The following CFAP61 variants were observed in gnomAD, a reference collection of about 807,000 sequenced individuals.
CFAP61 encodes cilia- and flagella-associated protein 61.
A neutral mutation model predicts 135.6 loss-of-function variants in CFAP61; 107 were observed. That is an observed-to-expected ratio of 0.79 (90% CI 0.67 to 0.93). The LOEUF is 0.93. Among genes scored for constraint, CFAP61 ranks in the 40% least tolerant of loss-of-function variants. The pLI is 0.00. For missense variants in CFAP61, 1,507 were observed against 1,556.2 expected (o/e 0.97, Z 0.53); for synonymous variants, 575 against 578.5 (o/e 0.99, Z 0.09).
At chr20:20,183,561 G>A (rs2055275997) in intron 13 of CFAP61, among the ~76,000 whole-genome samples, 1 of 152,176 alleles carries the variant, frequency 6.6e-6, no homozygotes, top group Non-Finnish European at 1.5e-5. Context: ...GTAGGAATAC[G>A]CTGTGAGCCA....
At chr20:20,103,431 G>C (rs1032733969) in intron 8 of CFAP61, among the ~76,000 whole-genome samples, 2 of 152,074 alleles carry the variant, frequency 1.3e-5, no homozygotes, top group African/African-American at 4.8e-5. Flanking sequence ...TTTTGTCCAA[G>C]CATAAGGAAA....
chr20:20,198,319 C>G (rs555566594), intron 16 of CFAP61, among the ~76,000 whole-genome samples: 40 of 152,256 alleles, frequency 2.6e-4, no homozygotes, highest in African/African-American at 9.4e-4. Context: ...TGTTTTTATT[C>G]ATGAAGTTGC....
At chr20:20,063,645 A>C (rs2044996483) in intron 2 of CFAP61, among the ~76,000 whole-genome samples, 1 of 152,218 alleles carries the variant, frequency 6.6e-6, no homozygotes, top group South Asian at 2.1e-4. Flanking sequence ...AAATATTAAA[A>C]GAATCCCTGT....
At chr20:20,172,219 A>G (rs1054416032) in intron 13 of CFAP61, 50 of 971,346 alleles carry the variant, frequency 5.1e-5, no homozygotes, top group Admixed American at 6.1e-5. Context: ...CAGTAACCTT[A>G]TATGCCTCTG....
At chr20:20,058,450 A>C (rs2044542657) in intron 2 of CFAP61, among the ~76,000 whole-genome samples, 1 of 152,256 alleles carries the variant, frequency 6.6e-6, no homozygotes, top group Non-Finnish European at 1.5e-5. Flanking sequence ...ACATTCTATT[A>C]ATAGCAACTT....
rs558550722 is a variant in CFAP61 at position 20,308,594 on chromosome 20, A to G, written c.3422+10208A>G. Among the ~76,000 whole-genome samples, 69 of 152,222 alleles carry G rather than the reference A, an allele frequency of 4.5e-4. No homozygotes were observed. The Middle Eastern group carries it at 0.024, about 53-fold the overall frequency. ...TTGCCCTATGCTTATACTTGTTTCA[A>G]GCTCAGCTGGCCAACCCCAGGCAGC... On this transcript the variant is annotated intron_variant, in intron 25 of 26. Transcript: ENST00000245957.
chr20:20,256,509 A>C (rs751058554), intron 20 of CFAP61, among the ~76,000 whole-genome samples: 24 of 152,166 alleles, frequency 1.6e-4, no homozygotes, highest in Non-Finnish European at 2.9e-4. Flanking sequence ...AGCCATTGAA[A>C]GAGCAGAGGC....
intron 6 of CFAP61, chr20:20,085,566 C>T (rs1485640225): frequency 1.5e-6 from 2 of 1,346,302 alleles, no homozygotes; most frequent in African/African-American, 3.0e-5. Flanking sequence ...TGTTAACGGG[C>T]TGCTGAGGTT....
chr20:20,165,815 T>C (rs936413022), intron 11 of CFAP61, among the ~76,000 whole-genome samples: 3 of 152,210 alleles, frequency 2.0e-5, no homozygotes, highest in African/African-American at 7.2e-5. Flanking sequence ...TTTTAGCTTC[T>C]ATGGAGATCT....
At chr20:20,352,719 G>A (rs1051441982) in intron 26 of CFAP61, among the ~76,000 whole-genome samples, 7 of 152,260 alleles carry the variant, frequency 4.6e-5, no homozygotes, top group East Asian at 3.9e-4. Context: ...ACATAAGACC[G>A]GAAACTGTAA....
chr20:20,357,957 G>A (rs188122425), intron 26 of CFAP61, among the ~76,000 whole-genome samples: 49 of 129,448 alleles, frequency 3.8e-4, no homozygotes, highest in African/African-American at 3.9e-4. Context: ...CACACTGAGG[G>A]GAGGTGGTCA....
chr20:20,116,414 G>A (rs79833749), intron 8 of CFAP61, among the ~76,000 whole-genome samples: 2,372 of 152,118 alleles, frequency 0.016, 29 homozygotes, highest in Non-Finnish European at 0.025. Flanking sequence ...CCTTTGCCGC[G>A]CAGAAACTTT....
chr20:20,075,654 C>T, intron 6 of CFAP61, 39 bp downstream of exon 6: 3 of 1,607,234 alleles, frequency 1.9e-6, no homozygotes, highest in Non-Finnish European at 1.7e-6. Flanking sequence ...CTAAGCTTCA[C>T]TGGGACAGTC....
chr20:20,119,069 C>T (rs760006280), intron 8 of CFAP61, among the ~76,000 whole-genome samples: 6 of 151,916 alleles, frequency 3.9e-5, no homozygotes, highest in South Asian at 4.1e-4. Flanking sequence ...GTGGTATTGG[C>T]CTGTAGTTTT....
At chr20:20,254,630 C>T (rs1393463942) in intron 20 of CFAP61, among the ~76,000 whole-genome samples, 2 of 152,190 alleles carry the variant, frequency 1.3e-5, no homozygotes, top group Non-Finnish European at 2.9e-5. Flanking sequence ...CAGCTGAATT[C>T]ACTGGGGAGC....
chr20:20,355,076 CTG>C (rs1400660771), intron 26 of CFAP61, among the ~76,000 whole-genome samples: 1 of 138,020 alleles, frequency 7.2e-6, no homozygotes, highest in Non-Finnish European at 1.6e-5. Context: ...GGTGGTCACA[CTG>C]TGAGAGGGAA....
intron 16 of CFAP61, among the ~76,000 whole-genome samples, chr20:20,198,746 C>T (rs146040301): frequency 2.6e-5 from 4 of 152,280 alleles, no homozygotes; most frequent in African/African-American, 9.6e-5. Flanking sequence ...TGCGAAGTCA[C>T]GGTCTGAAGT....
chr20:20,208,069 G>A (rs748944756), intron 17 of CFAP61, among the ~76,000 whole-genome samples: 3 of 152,092 alleles, frequency 2.0e-5, no homozygotes, highest in Admixed American at 6.5e-5. Flanking sequence ...ATCCTGTCCC[G>A]GATGATCTCC....
At chr20:20,085,870 C>G (rs181138026) in intron 6 of CFAP61, among the ~76,000 whole-genome samples, 2 of 152,210 alleles carry the variant, frequency 1.3e-5, no homozygotes, top group Admixed American at 6.5e-5. Flanking sequence ...TAGCCAATAT[C>G]ATCAAGGACT....
Sources: gnomAD v4.1 joint callset for allele counts (sites outside exome capture counted in the v4.1 genomes callset) on GRCh38, gnomAD v4.1.1 for gene constraint, MANE v1.5 for transcripts, NCBI Gene and HGNC (gene_info 2026-07-23, HGNC 2026-07-21) for gene names.